DENND4C: variants seen among roughly 807,000 people sequenced by gnomAD.
DENND4C encodes the protein DENN domain containing 4C, also known as DENN domain-containing protein 4C.
Under a neutral mutation model 203.0 loss-of-function variants are expected in DENND4C, and 108 were observed. The observed-to-expected ratio is 0.53, with a 90% CI of 0.46 to 0.62. DENND4C has a LOEUF of 0.62. Among genes scored for constraint, DENND4C ranks in the 20% least tolerant of loss-of-function variants. The pLI is 0.00. For missense variants in DENND4C, 2,481 were observed against 2,301.2 expected (o/e 1.08, Z -1.60); for synonymous variants, 871 against 792.4 (o/e 1.10, Z -1.67).
intron 1 of DENND4C, among the ~76,000 whole-genome samples, chr9:19,263,975 A>T (rs1318342823): frequency 1.3e-5 from 2 of 151,868 alleles, no homozygotes; most frequent in Non-Finnish European, 2.9e-5. Flanking sequence ...TCTTTCTTTG[A>T]TGTGTCTTTG....
intron 1 of DENND4C, among the ~76,000 whole-genome samples, chr9:19,234,236 A>C (rs1821299709): frequency 6.6e-6 from 1 of 151,516 alleles, no homozygotes; most frequent in East Asian, 1.9e-4. Flanking sequence ...TATTTTTATT[A>C]ATTTTTTTTT....
intron 9 of DENND4C, 91 bp downstream of exon 9, chr9:19,300,422 C>T: frequency 8.2e-7 from 1 of 1,226,100 alleles, no homozygotes; most frequent in Non-Finnish European, 1.1e-6. Flanking sequence ...ACTTTGTAAA[C>T]AACAACAAAT....
chr9:19,242,982 A>G (rs548038273), intron 1 of DENND4C, among the ~76,000 whole-genome samples: 1 of 152,052 alleles, frequency 6.6e-6, no homozygotes, highest in South Asian at 2.1e-4. Flanking sequence ...AGTTAGCTTT[A>G]TTGAGATATA....
At chr9:19,371,277 A>G in intron 31 of DENND4C, 1 of 153,054 alleles carries the variant, frequency 6.5e-6, no homozygotes, top group Non-Finnish European at 1.5e-5. Flanking sequence ...TTAAATAGTA[A>G]AGAGACCACA....
chr9:19,299,910 G>C (rs1392192049), intron 8 of DENND4C, among the ~76,000 whole-genome samples: 1 of 152,096 alleles, frequency 6.6e-6, no homozygotes, highest in Non-Finnish European at 1.5e-5. Flanking sequence ...TATATTGTCT[G>C]TCACCCCTTC....
Position 19,372,129 on chromosome 9 carries a change from AG to A in DENND4C, c.5834del (p.Ser1945MetfsTer16). On this transcript the variant is annotated frameshift_variant, in exon 33 of 33. Transcript: ENST00000434457. LOFTEE classifies it high-confidence loss of function. ...LQKIDAPPSASVEWCRKCFGA... is the reference protein window; with the variant it reads ...LQKIDAPPSAXVEWCRKCFGA... ...GAAAATTGATGCTCCACCAAGTGCC[AG>A]TGTCGAGTGGTGCAGGAAGTGTTTT... 1 of 1,614,124 alleles carries A rather than the reference AG, an allele frequency of 6.2e-7. No individual in the cohort carries two copies. The highest frequency in any genetic ancestry group is 2.2e-5 in the East Asian group (1 of 44,874).
chr9:19,352,552 T>C lies in DENND4C; in HGVS notation c.4668T>C (p.Ile1556=). 1 of 1,613,786 alleles carries C rather than the reference T, an allele frequency of 6.2e-7. No individual in the cohort carries two copies. The highest frequency in any genetic ancestry group is 8.5e-7 in the Non-Finnish European group (1 of 1,179,810). The part of the protein sequence containing the change: ...ACGALVYDEE[I]MAGWTADDSN... ...GAGCTTTAGTTTATGATGAAGAAAT[T>C]ATGGCTGGATGGACAGCAGATGACT... The change falls in exon 26 of 33, where the codon ATT becomes ATC. Residue 1556 remains isoleucine, a synonymous_variant. Transcript: ENST00000434457.
chr9:19,282,248 A>C (rs1421827475), intron 2 of DENND4C, among the ~76,000 whole-genome samples: 1 of 151,778 alleles, frequency 6.6e-6, no homozygotes, highest in Non-Finnish European at 1.5e-5. Flanking sequence ...TATTTTAAAA[A>C]TTTATTCTTT....
chr9:19,353,084 A>G (rs549474257), intron 26 of DENND4C, among the ~76,000 whole-genome samples: 10 of 152,260 alleles, frequency 6.6e-5, no homozygotes, highest in African/African-American at 2.4e-4. Context: ...TGCAGTGAGT[A>G]TATATTTTAG....
intron 16 of DENND4C, among the ~76,000 whole-genome samples, chr9:19,330,669 C>T (rs1396652358): frequency 6.6e-6 from 1 of 151,508 alleles, no homozygotes; most frequent in Non-Finnish European, 1.5e-5. Context: ...CATAGACTAG[C>T]AAGGAATCTT....
At chr9:19,259,835 T>A (rs1828926514) in intron 1 of DENND4C, among the ~76,000 whole-genome samples, 1 of 152,202 alleles carries the variant, frequency 6.6e-6, no homozygotes, top group Non-Finnish European at 1.5e-5. Context: ...TCCATTTGTC[T>A]GTTGTTGAAT....
rs541198969 is a variant in DENND4C at position 19,330,738 on chromosome 9, A to G, written c.2254-1240A>G. Among the ~76,000 whole-genome samples the G allele has an allele frequency of 2.6e-5, 4 of 152,034 alleles. No individual in the cohort carries two copies. In the South Asian group the frequency reaches 6.3e-4, roughly 24 times the overall value. ...GTGATAGGTTCTGTAGTTTCTGGGA[A>G]TATATATAGTTTGGTAAAGCTCAGC... On this transcript the variant is annotated intron_variant, in intron 16 of 32. Coordinates refer to ENST00000434457, the MANE Select transcript of DENND4C (RefSeq NM_001330640.2).
Position 19,296,209 on chromosome 9 carries a change from C to A in DENND4C, c.1003C>A (p.Leu335Ile). The change falls in exon 6 of 33, where the codon CTT (leucine) becomes ATT (isoleucine). Residue 335 changes from leucine to isoleucine, a missense_variant. Leu to Ile is a conservative substitution (Grantham distance 5). This residue lies in a region of DENND4C where 2,289 missense variants were observed against 2,113.3 expected (regional missense o/e 1.08). Coordinates refer to ENST00000434457, the MANE Select transcript of DENND4C (RefSeq NM_001330640.2). Reference protein sequence around the residue: ...FRKFLMFIYKLSVSGPHPLPI... With the variant: ...FRKFLMFIYKISVSGPHPLPI... ...GAAATTTCTTATGTTTATCTACAAA[C>A]TTTCTGTGTCTGGACCACATCCTCT... 1 of 1,613,190 alleles carries A rather than the reference C, an allele frequency of 6.2e-7. No individual in the cohort carries two copies.
At chr9:19,268,517 A>G (rs563400634) in intron 1 of DENND4C, among the ~76,000 whole-genome samples, 1 of 152,162 alleles carries the variant, frequency 6.6e-6, no homozygotes, top group Non-Finnish European at 1.5e-5. Context: ...ATTTGCTATT[A>G]CCAGGGAGTT....
rs147589447 is a variant in DENND4C, at chr9:19,284,329, G to A, written c.306-2440G>A. 8.5e-5 allele frequency among the ~76,000 whole-genome samples: 13 copies of A among 152,238 alleles called. No individual in the cohort carries two copies. In the East Asian group the frequency reaches 2.5e-3, roughly 29 times the overall value. ...GTGTGTGACTGTATAATACTTATTT[G>A]TGTGGATGTATTTACTTTATTCAAT... is the stretch of plus-strand genomic sequence containing the variant. On this transcript the variant is annotated intron_variant, in intron 2 of 32. Transcript: ENST00000434457.
intron 1 of DENND4C, among the ~76,000 whole-genome samples, chr9:19,268,018 C>T (rs7023438): frequency 0.021 from 3,184 of 151,690 alleles, 122 homozygotes; most frequent in African/African-American, 0.072. Flanking sequence ...TCCCATCTTC[C>T]TTTATGGGAA....
At position 19,250,777 on chromosome 9, in the gene DENND4C, A is replaced by C. The variant is rs371695141; in HGVS notation, c.-18+19944A>C. On this transcript the variant is annotated intron_variant, in intron 1 of 32. Coordinates refer to ENST00000434457, the MANE Select transcript of DENND4C (RefSeq NM_001330640.2). ...CGGGGTGGTCAAGTCTTAAAGCTCC[A>C]CAATGATCTCCTTTGACTCCATGTC... Among the ~76,000 whole-genome samples, 71 of 152,290 alleles carry C rather than the reference A, an allele frequency of 4.7e-4. No homozygotes were observed. The East Asian group carries it at 0.011, about 24-fold the overall frequency.
At position 19,327,833 on chromosome 9, in the gene DENND4C, G is replaced by T. The variant is rs181005677; in HGVS notation, c.2121-197G>T. 9.1e-4 allele frequency among the ~76,000 whole-genome samples: 138 copies of T among 152,104 alleles called. 1 individual carries two copies. Among genetic ancestry groups the T allele is most frequent in the Middle Eastern group, 3.4e-3 (1 of 294 alleles). Reference sequence around the variant, plus strand: ...GATTGAAAATAACAAATAGGGTGGGGAAGAGACAAAATTTTCATGAAGGTA... The same window carrying T: ...GATTGAAAATAACAAATAGGGTGGGTAAGAGACAAAATTTTCATGAAGGTA... On this transcript the variant is annotated intron_variant, in intron 15 of 32. Coordinates refer to ENST00000434457, the MANE Select transcript of DENND4C (RefSeq NM_001330640.2).
At chr9:19,329,356 T>G (rs1235760460) in intron 16 of DENND4C, among the ~76,000 whole-genome samples, 1 of 152,210 alleles carries the variant, frequency 6.6e-6, no homozygotes, top group Non-Finnish European at 1.5e-5. Flanking sequence ...TAGTGTAACA[T>G]TTCAGGATTC....
Sources: allele counts gnomAD v4.1 joint callset (sites outside exome capture counted in the v4.1 genomes callset), GRCh38; gene constraint gnomAD v4.1.1; regional missense constraint gnomAD v4.1.1; transcripts MANE v1.5; gene names NCBI Gene and HGNC (gene_info 2026-07-23, HGNC 2026-07-21).